SEMA6A: variants seen among roughly 807,000 people sequenced by gnomAD.
SEMA6A encodes semaphorin-6A.
In SEMA6A, 25 loss-of-function variants were observed where a neutral mutation model predicts 96.8. The ratio of observed to expected loss-of-function variants is 0.26; its 90% CI spans 0.19 to 0.36. The LOEUF is 0.36. Among genes scored for constraint, SEMA6A ranks in the 10% least tolerant of loss-of-function variants. The probability of loss-of-function intolerance (pLI) is 1.00; values close to 1 mark genes in which losing one functional copy is unlikely to be tolerated. For missense variants in SEMA6A, 1,363 were observed against 1,323.1 expected (o/e 1.03, Z -0.47); for synonymous variants, 612 against 518.0 (o/e 1.18, Z -2.46).
chr5:116,523,140 A>G (rs550313691), intron 1 of SEMA6A, among the ~76,000 whole-genome samples: 21 of 152,200 alleles, frequency 1.4e-4, no homozygotes, highest in African/African-American at 4.3e-4. Flanking sequence ...CATTTATTCA[A>G]CTAACACTGA....
At chr5:116,472,013 C>G (rs1325790613) in intron 17 of SEMA6A, among the ~76,000 whole-genome samples, 8 of 152,064 alleles carry the variant, frequency 5.3e-5, no homozygotes, top group Non-Finnish European at 1.2e-4. Context: ...CTTAAACACA[C>G]AAACTATAAA....
chr5:116,453,851 G>A (rs1482738972), intron 18 of SEMA6A, among the ~76,000 whole-genome samples: 1 of 152,146 alleles, frequency 6.6e-6, no homozygotes, highest in African/African-American at 2.4e-5. Context: ...AAATAGCTGG[G>A]AGATGTTATC....
At chr5:116,495,133 A>G (rs1038673943) in intron 6 of SEMA6A, among the ~76,000 whole-genome samples, 1 of 152,212 alleles carries the variant, frequency 6.6e-6, no homozygotes, top group East Asian at 1.9e-4. Flanking sequence ...CACATGGTGT[A>G]CGTGGTAAGT....
At chr5:116,538,651 T>G (rs1386454344) in intron 1 of SEMA6A, among the ~76,000 whole-genome samples, 1 of 152,196 alleles carries the variant, frequency 6.6e-6, no homozygotes, top group African/African-American at 2.4e-5. Flanking sequence ...CATTATACAT[T>G]TGTTAGAATG....
chr5:116,544,385 G>A (rs1178137681), intron 1 of SEMA6A, among the ~76,000 whole-genome samples: 1 of 151,906 alleles, frequency 6.6e-6, no homozygotes, highest in Non-Finnish European at 1.5e-5. Flanking sequence ...CGACATCCTG[G>A]GCTCAAGCAA....
In SEMA6A at chr5:116,446,584, G is replaced by T. The variant is rs1228218595; in HGVS notation, c.*29C>A. 1 of 1,454,770 alleles carries T rather than the reference G, an allele frequency of 6.9e-7. No individual in the cohort carries two copies. Among genetic ancestry groups the T allele is most frequent in the Non-Finnish European group, 9.1e-7 (1 of 1,099,756 alleles). The allele number at this position is 1,454,770 out of a possible 1,614,324, so 90.1% of individuals were successfully genotyped here. A position where few individuals can be genotyped will look rare whatever the true frequency, so the allele number is the denominator to read the frequency against. On this transcript the variant is annotated 3_prime_UTR_variant, in exon 19 of 19. Transcript: ENST00000343348. ...AGCGGGCACCTCGCCTTGCCTGCTG[G>T]TTCGACACCTGACCCCCTCCCCCTG...
chr5:116,452,878 C>T lies in SEMA6A; in HGVS notation c.1895-5067G>A, dbSNP rs531414169. On this transcript the variant is annotated intron_variant, in intron 18 of 18. Coordinates refer to ENST00000343348, the MANE Select transcript of SEMA6A (RefSeq NM_020796.5). ...CTGCCTTCAGCAAACATTTACCAAGCACTGCACTAGGTGTCGGGGAAGGAC... is the reference window on the plus strand; with the variant it reads ...CTGCCTTCAGCAAACATTTACCAAGTACTGCACTAGGTGTCGGGGAAGGAC... Among the ~76,000 whole-genome samples the T allele has an allele frequency of 3.3e-5, 5 of 152,302 alleles. No homozygotes were observed. The East Asian group carries it at 9.6e-4, about 29-fold the overall frequency.
chr5:116,473,435 T>C (rs1314582097), intron 16 of SEMA6A, among the ~76,000 whole-genome samples: 2 of 152,254 alleles, frequency 1.3e-5, no homozygotes, highest in Admixed American at 6.5e-5. Flanking sequence ...GCATAAGTGA[T>C]ACCTGGACCA....
chr5:116,518,423 T>G (rs1758768165), intron 1 of SEMA6A, among the ~76,000 whole-genome samples: 1 of 152,162 alleles, frequency 6.6e-6, no homozygotes, highest in Non-Finnish European at 1.5e-5. Context: ...TAAATCAAAT[T>G]TAAAAATCAC....
rs559024055 is a variant in SEMA6A, at chr5:116,496,719, G to A, written c.280-406C>T. 2.0e-5 allele frequency among the ~76,000 whole-genome samples: 3 copies of A among 152,244 alleles called. No individual in the cohort carries two copies. In the East Asian group the frequency reaches 5.8e-4, roughly 29 times the overall value. ...AAGAAGGCTTTTTTCTTAAAATACA[G>A]AAGTCATTTTCTTAAACATAAAGAG... On this transcript the variant is annotated intron_variant, in intron 4 of 18. Coordinates refer to ENST00000343348, the MANE Select transcript of SEMA6A (RefSeq NM_020796.5).
intron 1 of SEMA6A, among the ~76,000 whole-genome samples, chr5:116,528,848 G>T (rs773924187): frequency 6.6e-6 from 1 of 152,200 alleles, no homozygotes; most frequent in Non-Finnish European, 1.5e-5. Context: ...TTCTACCGCT[G>T]TGAATGGCTG....
Position 116,447,697 on chromosome 5 carries a change from A to G in SEMA6A, c.2009T>C (p.Val670Ala). The G allele has an allele frequency of 1.9e-6, 3 of 1,613,992 alleles. No homozygotes were observed. The highest frequency in any genetic ancestry group is 2.5e-6 in the Non-Finnish European group (3 of 1,179,866). The change falls in exon 19 of 19, where the codon GTC (valine) becomes GCC (alanine). Residue 670 changes from valine to alanine, a missense_variant. This residue lies in a region of SEMA6A where 883 missense variants were observed against 763.6 expected (regional missense o/e 1.16). Transcript: ENST00000343348. ...GCGCCGATGATCACAGACGCAGTAGACGGTGATGCCCGAGAAGACGGCCCC... is the reference window on the plus strand; with the variant it reads ...GCGCCGATGATCACAGACGCAGTAGGCGGTGATGCCCGAGAAGACGGCCCC... The part of the protein sequence containing the change: ...VMGAVFSGIT[V>A]YCVCDHRRKD...
intron 1 of SEMA6A, chr5:116,536,357 A>G (rs1759708506): frequency 6.6e-6 from 1 of 152,190 alleles, no homozygotes; most frequent in South Asian, 2.1e-4. Context: ...CTGGTTTTAA[A>G]TAGATGAAGC....
In SEMA6A at chr5:116,491,845, C is replaced by T; in HGVS notation, c.445-15G>A. Reference sequence around the variant, plus strand: ...AATGTATCCATCTAAATGAAATAATCAGACTTAATTACAAACAACAACCTT... The same window carrying T: ...AATGTATCCATCTAAATGAAATAATTAGACTTAATTACAAACAACAACCTT... On this transcript the variant is annotated splice_polypyrimidine_tract_variant and intron_variant, in intron 6 of 18. Transcript: ENST00000343348. The T allele has an allele frequency of 2.5e-6, 4 of 1,587,160 alleles. No homozygotes were observed. The highest frequency in any genetic ancestry group is 3.5e-6 in the Non-Finnish European group (4 of 1,155,870).
rs1754219665 is a variant in SEMA6A, at chr5:116,446,535, GC to G, written c.*77del. On this transcript the variant is annotated 3_prime_UTR_variant, in exon 19 of 19. Coordinates refer to ENST00000343348, the MANE Select transcript of SEMA6A (RefSeq NM_020796.5). ...CTTCTTGGTCTGGTGGGTACTCGAG[GC>G]AGTTGAGAACCTTGCTGAGCTGAGC... is the stretch of plus-strand genomic sequence containing the variant. The G allele has an allele frequency of 8.0e-7, 1 of 1,247,982 alleles. No individual in the cohort carries two copies. The highest frequency in any genetic ancestry group is 1.5e-5 in the African/African-American group (1 of 65,682). The allele number at this position is 1,247,982 out of a possible 1,614,324, so 77.3% of individuals were successfully genotyped here.
chr5:116,494,200 T>C (rs1044503369), intron 6 of SEMA6A, among the ~76,000 whole-genome samples: 3 of 152,226 alleles, frequency 2.0e-5, no homozygotes, highest in Non-Finnish European at 2.9e-5. Context: ...AGTCACACAA[T>C]TCAGAATCAA....
chr5:116,489,146 G>A, intron 7 of SEMA6A, 139 bp from the exon 8 acceptor site: 2 of 988,756 alleles, frequency 2.0e-6, no homozygotes, highest in Non-Finnish European at 2.8e-6. Context: ...AGAGTCGCTG[G>A]GAAAACTCTT....
chr5:116,549,805 C>T (rs1202162909), intron 1 of SEMA6A, among the ~76,000 whole-genome samples: 1 of 152,126 alleles, frequency 6.6e-6, no homozygotes, highest in Non-Finnish European at 1.5e-5. Flanking sequence ...CTTTTCAGAG[C>T]ATTTAGTAGT....
chr5:116,460,913 GT>G (rs2112624419), intron 18 of SEMA6A, among the ~76,000 whole-genome samples: 1 of 151,270 alleles, frequency 6.6e-6, no homozygotes, highest in Admixed American at 6.6e-5. Flanking sequence ...AGCTTCCCAA[GT>G]AGCTGAGATT....
Sources: allele counts gnomAD v4.1 joint callset (sites outside exome capture counted in the v4.1 genomes callset), GRCh38; gene constraint gnomAD v4.1.1; regional missense constraint gnomAD v4.1.1; transcripts MANE v1.5; gene names NCBI Gene and HGNC (gene_info 2026-07-23, HGNC 2026-07-21).